SPMAP2L: variants seen among roughly 807,000 people sequenced by gnomAD.
The protein encoded by SPMAP2L is sperm microtubule associated protein 2 like.
At chr4:56,541,869 T>G in the SPMAP2L span, among the ~76,000 whole-genome samples, 1 of 152,120 alleles carries the variant, frequency 6.6e-6, no homozygotes, top group Non-Finnish European at 1.5e-5. Flanking sequence ...AGGCTGGTCT[T>G]GAACTCCTGA....
At chr4:56,582,870 A>T in the SPMAP2L span, among the ~76,000 whole-genome samples, 2 of 152,238 alleles carry the variant, frequency 1.3e-5, no homozygotes, top group Non-Finnish European at 1.5e-5. Flanking sequence ...ATACAATGGA[A>T]TATTATTCAG....
chr4:56,563,292 C>T, the SPMAP2L span, among the ~76,000 whole-genome samples: 3,573 of 147,230 alleles, frequency 0.024, 67 homozygotes, highest in African/African-American at 0.049. Context: ...TTAGTAGAGA[C>T]GGGGTTTCAC....
chr4:56,562,824 G>A, the SPMAP2L span, among the ~76,000 whole-genome samples: 4 of 143,510 alleles, frequency 2.8e-5, no homozygotes, highest in Non-Finnish European at 6.0e-5. Context: ...TATATAGCCT[G>A]CTTAAAGATT....
the SPMAP2L span, among the ~76,000 whole-genome samples, chr4:56,597,943 G>A: frequency 2.0e-5 from 3 of 152,082 alleles, no homozygotes; most frequent in Non-Finnish European, 4.4e-5. Context: ...GCTCACTGCA[G>A]CCTCAACCTT....
the SPMAP2L span, among the ~76,000 whole-genome samples, chr4:56,577,119 G>C: frequency 6.6e-6 from 1 of 152,106 alleles, no homozygotes; most frequent in Non-Finnish European, 1.5e-5. Flanking sequence ...AGCACTGAAG[G>C]ATTGGCGAGG....
chr4:56,610,684 A>C, the SPMAP2L span, among the ~76,000 whole-genome samples: 12 of 152,306 alleles, frequency 7.9e-5, no homozygotes, highest in African/African-American at 2.6e-4. Context: ...AGTGGGAGAA[A>C]ATCTTCACAA....
At chr4:56,602,156 G>A in the SPMAP2L span, among the ~76,000 whole-genome samples, 1 of 151,888 alleles carries the variant, frequency 6.6e-6, no homozygotes, top group Non-Finnish European at 1.5e-5. Context: ...TTATTTTTTG[G>A]AGGCCTCTTA....
At chr4:56,593,498 G>A in the SPMAP2L span, 4 of 1,599,880 alleles carry the variant, frequency 2.5e-6, no homozygotes, top group East Asian at 2.2e-5. Context: ...CTCGTGGAGA[G>A]AGCTCATCAG....
At chr4:56,600,696 A>G in the SPMAP2L span, among the ~76,000 whole-genome samples, 1 of 152,180 alleles carries the variant, frequency 6.6e-6, no homozygotes, top group Non-Finnish European at 1.5e-5. Flanking sequence ...ATTTAGGTAA[A>G]GCTTAGAACA....
the SPMAP2L span, chr4:56,600,990 G>A: frequency 6.5e-7 from 1 of 1,535,456 alleles, no homozygotes; most frequent in Non-Finnish European, 8.7e-7. Context: ...CTCTAGCGAA[G>A]TCCAAGTCTG....
chr4:56,531,313 G>T, the SPMAP2L span: 4 of 1,214,058 alleles, frequency 3.3e-6, no homozygotes, highest in Non-Finnish European at 4.4e-6. Flanking sequence ...AAAAGAACTC[G>T]TGTCATTTAC....
the SPMAP2L span, among the ~76,000 whole-genome samples, chr4:56,624,856 G>A: frequency 6.6e-6 from 1 of 152,222 alleles, no homozygotes; most frequent in Non-Finnish European, 1.5e-5. Context: ...GAAGGGAAAT[G>A]TGGGGTCAGA....
At chr4:56,575,390 A>G in the SPMAP2L span, 7 of 1,181,454 alleles carry the variant, frequency 5.9e-6, no homozygotes, top group African/African-American at 1.1e-4. Flanking sequence ...ATAGATCATC[A>G]ATAATAAACT....
the SPMAP2L span, among the ~76,000 whole-genome samples, chr4:56,557,142 G>A: frequency 3.9e-5 from 6 of 151,942 alleles, no homozygotes; most frequent in Admixed American, 2.0e-4. Flanking sequence ...CCAGCTATTC[G>A]GGAGGCTGAG....
At chr4:56,617,229 C>T in the SPMAP2L span, among the ~76,000 whole-genome samples, 8 of 151,928 alleles carry the variant, frequency 5.3e-5, no homozygotes, top group Admixed American at 4.6e-4. Flanking sequence ...GTACTGGATA[C>T]TGTAGGCAAT....
the SPMAP2L span, among the ~76,000 whole-genome samples, chr4:56,619,184 T>C: frequency 1.4e-4 from 22 of 152,240 alleles, no homozygotes; most frequent in Non-Finnish European, 2.8e-4. Context: ...ATAAAAGTTA[T>C]GTAAATGTGG....
At chr4:56,580,751 A>G in the SPMAP2L span, among the ~76,000 whole-genome samples, 145 of 152,356 alleles carry the variant, frequency 9.5e-4, 1 homozygote, top group South Asian at 4.3e-3. Flanking sequence ...AGGAATCTAC[A>G]TAAAGACTAT....
chr4:56,552,630 A>T, the SPMAP2L span: 18 of 1,411,768 alleles, frequency 1.3e-5, no homozygotes, highest in South Asian at 2.2e-4. Flanking sequence ...GCAATATTGT[A>T]TGGTCCTGTT....
the SPMAP2L span, among the ~76,000 whole-genome samples, chr4:56,613,775 T>C: frequency 6.6e-6 from 1 of 152,196 alleles, no homozygotes; most frequent in Admixed American, 6.5e-5. Flanking sequence ...TGATTTCAGA[T>C]GTTCAGGGAA....
Sources: allele counts gnomAD v4.1 joint callset (sites outside exome capture counted in the v4.1 genomes callset), GRCh38; gene constraint gnomAD v4.1.1; transcripts MANE v1.5; gene names NCBI Gene and HGNC (gene_info 2026-07-23, HGNC 2026-07-21).